The following SMARCA2 variants were observed in gnomAD, a reference collection of about 807,000 sequenced individuals.
The protein encoded by SMARCA2 is SWI/SNF related BAF chromatin remodeling complex subunit ATPase 2, also known as SWI/SNF-related matrix-associated actin-dependent regulator of chromatin subfamily A member 2.
SMARCA2 carries 61 observed loss-of-function variants against 199.8 expected under a neutral mutation model. The ratio of observed to expected loss-of-function variants is 0.31; its 90% CI spans 0.25 to 0.38. The LOEUF is 0.38. Among genes scored for constraint, SMARCA2 ranks in the 10% least tolerant of loss-of-function variants. SMARCA2 has a pLI of 1.00. For missense variants in SMARCA2, 1,344 were observed against 2,012.2 expected, an observed-to-expected ratio of 0.67 and a Z score of 6.35; for synonymous variants, 935 against 732.0, an observed-to-expected ratio of 1.28 and a Z score of -4.48.
At chr9:2,105,358 G>C (rs182122669) in intron 23 of SMARCA2, among the ~76,000 whole-genome samples, 104 of 151,952 alleles carry the variant, frequency 6.8e-4, no homozygotes, top group African/African-American at 2.4e-3. Flanking sequence ...TGATTCTCCT[G>C]CCTCAGCCTC....
intron 21 of SMARCA2, among the ~76,000 whole-genome samples, chr9:2,098,685 C>G (rs965439474): frequency 6.6e-6 from 1 of 152,160 alleles, no homozygotes; most frequent in Non-Finnish European, 1.5e-5. Context: ...GGGCTCACCC[C>G]TGTAATTTGG....
intron 8 of SMARCA2, among the ~76,000 whole-genome samples, chr9:2,060,577 A>G (rs1285549615): frequency 6.6e-6 from 1 of 152,262 alleles, no homozygotes; most frequent in Non-Finnish European, 1.5e-5. Flanking sequence ...CACCACACGT[A>G]CAGTGTGGCT....
chr9:2,091,278 G>A (rs893705150), intron 19 of SMARCA2, among the ~76,000 whole-genome samples: 2 of 152,046 alleles, frequency 1.3e-5, no homozygotes, highest in African/African-American at 2.4e-5. Flanking sequence ...ACCCTCCCTC[G>A]GCTCGTAGCC....
At chr9:2,177,686 G>A (rs1307775890) in intron 29 of SMARCA2, among the ~76,000 whole-genome samples, 1 of 151,786 alleles carries the variant, frequency 6.6e-6, no homozygotes, top group African/African-American at 2.4e-5. Flanking sequence ...CCTAGTAGCC[G>A]GGATTACAGG....
chr9:2,119,917 C>T lies in SMARCA2; in HGVS notation c.3762+382C>T, dbSNP rs1022940350. ...CATAGACGCCCTCCTGTTCCCAGTT[C>T]GTTTCTAATCCCAGGCCAGTGTCAT... On this transcript the variant is annotated intron_variant, in intron 26 of 33. Coordinates refer to ENST00000349721, the MANE Select transcript of SMARCA2 (RefSeq NM_003070.5). This position sits in a 1 kb window ranked among gnomAD's most constrained non-coding sequence, Gnocchi z 4.6. Among the ~76,000 whole-genome samples the T allele has an allele frequency of 3.3e-5, 5 of 152,166 alleles. No homozygotes were observed. Among genetic ancestry groups the T allele is most frequent in the Non-Finnish European group, 7.3e-5 (5 of 68,034 alleles).
In SMARCA2 at chr9:2,192,975, C is replaced by T. The variant is rs1001316953; in HGVS notation, c.*236C>T. 6.2e-6 allele frequency: 3 copies of T among 485,858 alleles called. No homozygotes were observed. Among genetic ancestry groups the T allele is most frequent in the Non-Finnish European group, 1.1e-5 (3 of 276,768 alleles). The allele number at this position is 485,858 out of a possible 1,614,324, so 30.1% of individuals were successfully genotyped here. On this transcript the variant is annotated 3_prime_UTR_variant, in exon 34 of 34. Transcript: ENST00000349721. ...TGGGCCTCAAAGATTCAGATTGAAA[C>T]AAACAAAAAGCTTTTGATGGAAAAT...
chr9:2,160,616 G>T, intron 27 of SMARCA2: 1 of 702,428 alleles, frequency 1.4e-6, no homozygotes, highest in Admixed American at 2.0e-5. Context: ...GTGGAGAAAT[G>T]AAGGTAATTG....
At chr9:2,113,243 T>C (rs1411928152) in intron 24 of SMARCA2, among the ~76,000 whole-genome samples, 1 of 151,246 alleles carries the variant, frequency 6.6e-6, no homozygotes, top group Non-Finnish European at 1.5e-5. Flanking sequence ...AAGATAGAAC[T>C]CGTGATTGTG....
rs115668395 is a variant in SMARCA2 at position 2,174,648 on chromosome 9, A to C, written c.4253+4176A>C. Among the ~76,000 whole-genome samples the C allele has an allele frequency of 8.4e-3, 1,280 of 152,266 alleles. 21 individuals are homozygous for C. Among genetic ancestry groups the C allele is most frequent in the African/African-American group, 0.029 (1,202 of 41,536 alleles). ...AAATGGGGAAGCAAAGGCCAGGCAC[A>C]GTGGCTCACACCTGTAATTCCCAGC... is the stretch of plus-strand genomic sequence containing the variant. On this transcript the variant is annotated intron_variant, in intron 29 of 33. Coordinates refer to ENST00000349721, the MANE Select transcript of SMARCA2 (RefSeq NM_003070.5).
intron 25 of SMARCA2, among the ~76,000 whole-genome samples, chr9:2,117,123 C>G (rs906004995): frequency 5.3e-5 from 8 of 152,122 alleles, no homozygotes; most frequent in Non-Finnish European, 1.2e-4. Context: ...ATGTGCATCC[C>G]TTCTGCACCA....
intron 19 of SMARCA2, among the ~76,000 whole-genome samples, chr9:2,093,538 A>G (rs912800353): frequency 9.2e-5 from 14 of 152,160 alleles, no homozygotes; most frequent in South Asian, 2.1e-4. Flanking sequence ...CTTTCTGCCA[A>G]TGGTGGTGAG....
chr9:2,036,836 C>T (rs1173475717), intron 3 of SMARCA2, among the ~76,000 whole-genome samples: 2 of 152,118 alleles, frequency 1.3e-5, no homozygotes, highest in East Asian at 3.9e-4. Context: ...GTCTCACCTT[C>T]ATAATGTTGC....
At chr9:2,140,456 C>T (rs527679119) in intron 27 of SMARCA2, among the ~76,000 whole-genome samples, 4 of 152,276 alleles carry the variant, frequency 2.6e-5, no homozygotes, top group East Asian at 1.9e-4. Context: ...TAGGGGTTCA[C>T]TGGTATATAT....
rs557898802 is a variant in SMARCA2 at position 2,122,843 on chromosome 9, A to C, written c.3763-876A>C. 1.2e-4 allele frequency among the ~76,000 whole-genome samples: 18 copies of C among 152,298 alleles called. No individual in the cohort carries two copies. The East Asian group carries it at 3.3e-3, about 28-fold the overall frequency. On this transcript the variant is annotated intron_variant, in intron 26 of 33. Transcript: ENST00000349721. ...TAGTGTTTATACATAATGTCTGTGGATATATAGTGGCAGTTTATTTTTTAA... is the reference window on the plus strand; with the variant it reads ...TAGTGTTTATACATAATGTCTGTGGCTATATAGTGGCAGTTTATTTTTTAA...
At chr9:2,176,700 A>C (rs1239639550) in intron 29 of SMARCA2, among the ~76,000 whole-genome samples, 1 of 148,572 alleles carries the variant, frequency 6.7e-6, no homozygotes, top group Non-Finnish European at 1.5e-5. Context: ...CTACAGGCAC[A>C]TGCCACCACG....
At chr9:2,100,292 G>A (rs990280676) in intron 21 of SMARCA2, among the ~76,000 whole-genome samples, 19 of 152,300 alleles carry the variant, frequency 1.2e-4, no homozygotes, top group East Asian at 5.8e-4. Flanking sequence ...CAGAAAGGAC[G>A]GAGTTATGTG....
chr9:2,140,101 A>C (rs1824392567), intron 27 of SMARCA2, among the ~76,000 whole-genome samples: 1 of 152,134 alleles, frequency 6.6e-6, no homozygotes, highest in South Asian at 2.1e-4. Context: ...TTAGTTGGGG[A>C]CTTCAGCAGT....
intron 21 of SMARCA2, among the ~76,000 whole-genome samples, chr9:2,099,577 C>A (rs975777043): frequency 6.6e-6 from 1 of 152,110 alleles, no homozygotes; most frequent in Non-Finnish European, 1.5e-5. Flanking sequence ...TCAGTACCTA[C>A]ATATTGACAT....
Position 2,115,777 on chromosome 9 carries a change from A to G in SMARCA2, c.3457-45A>G, listed in dbSNP as rs193260749. The stretch of plus-strand genomic sequence containing the variant: ...GGGTGGGGTCCGGTTTTGGATGCCT[A>G]TGCCAGGCATCTCAGTCCTCATAGC... On this transcript the variant is annotated intron_variant, in intron 24 of 33. Transcript: ENST00000349721. The surrounding 1 kb of genome is among the most constrained non-coding windows in gnomAD (Gnocchi z 6.0). 8,440 of 1,520,512 alleles carry G rather than the reference A, an allele frequency of 5.6e-3. 138 individuals carry two copies. Among genetic ancestry groups the G allele is most frequent in the South Asian group, 0.041 (3,569 of 88,006 alleles). 94.2% of individuals were successfully genotyped at this position (1,520,512 alleles called of 1,614,324 possible).
Sources: allele counts gnomAD v4.1 joint callset (sites outside exome capture counted in the v4.1 genomes callset), GRCh38; gene constraint gnomAD v4.1.1; non-coding constraint Gnocchi (gnomAD v3.1); transcripts MANE v1.5; gene names NCBI Gene and HGNC (gene_info 2026-07-23, HGNC 2026-07-21).